The following NUP54 variants were observed in gnomAD, a reference collection of about 807,000 sequenced individuals.
NUP54 encodes nucleoporin p54.
NUP54 carries 27 observed loss-of-function variants against 66.4 expected under a neutral mutation model. The observed-to-expected ratio is 0.41, with a 90% CI of 0.30 to 0.56. The LOEUF (loss-of-function observed/expected upper bound fraction) is 0.56, where lower values mean the gene tolerates loss of function less well. Ranked by LOEUF, NUP54 falls within the 20% of genes least tolerant of loss-of-function variation. The pLI, the probability that NUP54 is intolerant of heterozygous loss-of-function variation, is 0.34. For missense variants in NUP54, 486 were observed against 596.3 expected, an observed-to-expected ratio of 0.82 and a Z score of 1.93; for synonymous variants, 206 against 210.7, an observed-to-expected ratio of 0.98 and a Z score of 0.19.
intron 9 of NUP54, among the ~76,000 whole-genome samples, chr4:76,123,370 T>C (rs1405135257): frequency 2.6e-5 from 4 of 152,250 alleles, no homozygotes; most frequent in African/African-American, 9.6e-5. Context: ...GTTTCATCTT[T>C]CATTTTTCCA....
At chr4:76,130,960 T>A (rs1179410263) in intron 7 of NUP54, 1 of 602,128 alleles carries the variant, frequency 1.7e-6, no homozygotes, top group Non-Finnish European at 2.9e-6. Context: ...GTCAAAACAT[T>A]ACATTATTAA....
intron 8 of NUP54, among the ~76,000 whole-genome samples, chr4:76,125,645 AGGGG>A (rs1560678770): frequency 1.4e-4 from 3 of 20,692 alleles, no homozygotes; most frequent in African/African-American, 2.6e-4. Flanking sequence ...AGAGGGGGAG[AGGGG>A]GAGAGGGAGA....
Position 76,119,570 on chromosome 4 carries a change from G to T in NUP54, c.1165-1376C>A, listed in dbSNP as rs555064202. ...TTTTTTTTTTTTTAGTAGAGATGAG[G>T]TCTCCCGATGTTGCCCAGGCTGGTC... On this transcript the variant is annotated intron_variant, in intron 9 of 11. Transcript: ENST00000264883. Among the ~76,000 whole-genome samples, 10 of 149,464 alleles carry T rather than the reference G, an allele frequency of 6.7e-5. No individual in the cohort carries two copies. In the East Asian group the frequency reaches 2.0e-3, roughly 29 times the overall value.
chr4:76,142,570 C>T (rs1731309038), intron 3 of NUP54, among the ~76,000 whole-genome samples: 1 of 152,234 alleles, frequency 6.6e-6, no homozygotes, highest in African/African-American at 2.4e-5. Flanking sequence ...AGGTTCCTCT[C>T]TTCACCCATA....
chr4:76,115,330 T>C lies in NUP54; in HGVS notation c.*36A>G. The stretch of plus-strand genomic sequence containing the variant: ...AGGAAGGTCTGATGCAGTAAGAAGA[T>C]GCATTTCACAAACCTTTACACAAGT... On this transcript the variant is annotated 3_prime_UTR_variant, in exon 12 of 12. Transcript: ENST00000264883. 1 of 1,529,384 alleles carries C rather than the reference T, an allele frequency of 6.5e-7. No homozygotes were observed. Among genetic ancestry groups the C allele is most frequent in the Non-Finnish European group, 8.8e-7 (1 of 1,142,596 alleles). The allele number at this position is 1,529,384 out of a possible 1,614,324, so 94.7% of individuals were successfully genotyped here. A position where few individuals can be genotyped will look rare whatever the true frequency, so the allele number is the denominator to read the frequency against.
At chr4:76,138,022 G>A (rs2109898107) in intron 3 of NUP54, among the ~76,000 whole-genome samples, 1 of 152,328 alleles carries the variant, frequency 6.6e-6, no homozygotes, top group East Asian at 1.9e-4. Context: ...TTAAAACACT[G>A]TATTAGATAT....
chr4:76,124,602 A>G, intron 9 of NUP54, 47 bp downstream of exon 9: 1 of 749,018 alleles, frequency 1.3e-6, no homozygotes, highest in South Asian at 1.8e-5. Context: ...ACATTATTTC[A>G]CACACATAGT....
At chr4:76,116,525 T>C (rs993313915) in intron 11 of NUP54, among the ~76,000 whole-genome samples, 2 of 152,202 alleles carry the variant, frequency 1.3e-5, no homozygotes, top group African/African-American at 4.8e-5. Context: ...GCCAAAGCAG[T>C]GTTTCCCAAC....
intron 9 of NUP54, among the ~76,000 whole-genome samples, chr4:76,120,505 C>T (rs536134226): frequency 1.5e-4 from 22 of 150,630 alleles, no homozygotes; most frequent in Non-Finnish European, 3.1e-4. Context: ...TCTTGGCTCA[C>T]GGCAACCTCC....
chr4:76,132,445 C>T, intron 6 of NUP54, 78 bp downstream of exon 6: 1 of 1,112,212 alleles, frequency 9.0e-7, no homozygotes, highest in Non-Finnish European at 1.2e-6. Flanking sequence ...TAATAACCAA[C>T]CAACACCTCT....
At chr4:76,145,559 AAAC>A (rs1731462969) in intron 1 of NUP54, 2 of 1,275,210 alleles carry the variant, frequency 1.6e-6, no homozygotes, top group African/African-American at 1.5e-5. Context: ...ACTTACCTCC[AAAC>A]AACAAGAATG....
At chr4:76,130,955 AACATT>A in intron 7 of NUP54, 1 of 604,534 alleles carries the variant, frequency 1.7e-6, no homozygotes, top group South Asian at 2.1e-5. Context: ...GTTCAGTCAA[AACATT>A]ACATTATTAA....
intron 11 of NUP54, among the ~76,000 whole-genome samples, chr4:76,117,372 C>CT (rs1407098138): frequency 1.3e-5 from 2 of 152,144 alleles, no homozygotes; most frequent in Admixed American, 1.3e-4. Context: ...AATAAAGATG[C>CT]TATGAACATG....
chr4:76,124,488 G>A, intron 9 of NUP54, 161 bp downstream of exon 9: 2 of 418,728 alleles, frequency 4.8e-6, no homozygotes, highest in Non-Finnish European at 8.4e-6. Flanking sequence ...TATGAGACTT[G>A]TTTTCCAATT....
intron 3 of NUP54, among the ~76,000 whole-genome samples, chr4:76,142,677 T>G (rs750213091): frequency 6.6e-6 from 1 of 152,168 alleles, no homozygotes; most frequent in African/African-American, 2.4e-5. Flanking sequence ...TACCACCTAG[T>G]AAGGATGGTT....
chr4:76,115,458 T>C lies in NUP54; in HGVS notation c.1432A>G (p.Ile478Val). Residue 478 changes from isoleucine to valine, a missense_variant, in exon 12 of 12, where the codon ATT (isoleucine) becomes GTT (valine). Ile to Val is a conservative substitution (Grantham distance 29). This residue lies in a region of NUP54 where 83 missense variants were observed against 128.6 expected (regional missense o/e 0.65). Coordinates refer to ENST00000264883, the MANE Select transcript of NUP54 (RefSeq NM_017426.4). The part of the protein sequence containing the change: ...KQQQEGLSHL[I>V]SIIKDDLEDI... Reference sequence around the variant, plus strand: ...TCTAGATCGTCTTTAATGATGCTAATCAAATGGCTAAGGCCTTCCTGTTGT... The same window carrying C: ...TCTAGATCGTCTTTAATGATGCTAACCAAATGGCTAAGGCCTTCCTGTTGT... The C allele has an allele frequency of 6.2e-7, 1 of 1,611,180 alleles. No individual in the cohort carries two copies. Among genetic ancestry groups the C allele is most frequent in the Non-Finnish European group, 8.5e-7 (1 of 1,178,776 alleles).
At chr4:76,147,420 A>G in intron 1 of NUP54, 2 of 1,155,182 alleles carry the variant, frequency 1.7e-6, no homozygotes, top group Non-Finnish European at 2.3e-6. Flanking sequence ...TCCAGGAACC[A>G]CAATATTCTT....
At chr4:76,132,858 TC>T in intron 5 of NUP54, 139 bp from the exon 6 acceptor site, 1 of 665,226 alleles carries the variant, frequency 1.5e-6, no homozygotes, top group Non-Finnish European at 2.4e-6. Flanking sequence ...TTAAAATGTT[TC>T]CTTTTTTTTT....
At chr4:76,136,697 C>A (rs751921202) in intron 3 of NUP54, among the ~76,000 whole-genome samples, 11 of 152,084 alleles carry the variant, frequency 7.2e-5, no homozygotes, top group Non-Finnish European at 1.2e-4. Context: ...TCTGAAGATG[C>A]TATGCTGTTG....
Sources: allele counts gnomAD v4.1 joint callset (sites outside exome capture counted in the v4.1 genomes callset), GRCh38; gene constraint gnomAD v4.1.1; regional missense constraint gnomAD v4.1.1; transcripts MANE v1.5; gene names NCBI Gene and HGNC (gene_info 2026-07-23, HGNC 2026-07-21).